Variants in FHOD3 observed in about 807,000 individuals in gnomAD.
FHOD3 encodes FH1/FH2 domain-containing protein 3.
In FHOD3, 90 loss-of-function variants were observed where a neutral mutation model predicts 173.0. The observed-to-expected ratio is 0.52, with a 90% confidence interval of 0.44 to 0.62. The LOEUF is 0.62. Among genes scored for constraint, FHOD3 ranks in the 20% least tolerant of loss-of-function variants. The pLI, the probability that FHOD3 is intolerant of heterozygous loss-of-function variation, is 0.00. For missense variants in FHOD3, 1,945 were observed against 2,034.7 expected, an observed-to-expected ratio of 0.96 and a Z score of 0.85; for synonymous variants, 828 against 823.0, an observed-to-expected ratio of 1.01 and a Z score of -0.10.
chr18:36,382,726 C>T (rs1160780725), intron 3 of FHOD3, among the ~76,000 whole-genome samples: 2 of 152,214 alleles, frequency 1.3e-5, no homozygotes, highest in East Asian at 3.9e-4. Context: ...AAACAGCTGC[C>T]TCTGTTACCT....
intron 3 of FHOD3, among the ~76,000 whole-genome samples, chr18:36,429,932 G>A (rs1194897835): frequency 5.3e-5 from 8 of 152,166 alleles, no homozygotes; most frequent in Non-Finnish European, 1.2e-4. Context: ...AGTTGGGGTG[G>A]AGTGTTCGAC....
chr18:36,655,740 A>AC (rs76137178), intron 13 of FHOD3, among the ~76,000 whole-genome samples: 7,879 of 128,582 alleles, frequency 0.061, 370 homozygotes, highest in East Asian at 0.24. Flanking sequence ...AAGAACCCTC[A>AC]CCCTCCACAC....
chr18:36,470,022 G>C (rs1192758253), intron 3 of FHOD3, among the ~76,000 whole-genome samples: 1 of 152,192 alleles, frequency 6.6e-6, no homozygotes, highest in Non-Finnish European at 1.5e-5. Context: ...TAGAAGTTTA[G>C]GAAATTGGTT....
At chr18:36,634,683 T>G (rs1387014577) in intron 10 of FHOD3, among the ~76,000 whole-genome samples, 1 of 152,012 alleles carries the variant, frequency 6.6e-6, no homozygotes, top group Non-Finnish European at 1.5e-5. Flanking sequence ...GGGGAGGGCA[T>G]AGGCGTGGTT....
At chr18:36,521,041 A>G (rs1402521025) in intron 5 of FHOD3, among the ~76,000 whole-genome samples, 7 of 152,216 alleles carry the variant, frequency 4.6e-5, no homozygotes, top group South Asian at 2.1e-4. Flanking sequence ...CAGCTTTATG[A>G]TAGAAGAAAA....
At chr18:36,773,928 G>A (rs1414300163) in intron 28 of FHOD3, among the ~76,000 whole-genome samples, 1 of 152,194 alleles carries the variant, frequency 6.6e-6, no homozygotes, top group Admixed American at 6.5e-5. Context: ...AGATAACCTA[G>A]GCAGAGGGCT....
rs2038669819 is a variant in FHOD3 at position 36,687,108 on chromosome 18, G to C, written c.1971-20G>C. On this transcript the variant is annotated intron_variant, in intron 15 of 28. Coordinates refer to ENST00000590592, the MANE Select transcript of FHOD3 (RefSeq NM_001281740.3). ...TGTTACTTTCTTTTCCTGTTTGTTT[G>C]TTCTACATATTTCCATTAGCCGAGA... 5 of 1,587,694 alleles carry C rather than the reference G, an allele frequency of 3.1e-6. No homozygotes were observed. Among genetic ancestry groups the C allele is most frequent in the Non-Finnish European group, 4.3e-6 (5 of 1,158,166 alleles).
chr18:36,763,291 C>T (rs1220515977), intron 27 of FHOD3, among the ~76,000 whole-genome samples: 30 of 135,622 alleles, frequency 2.2e-4, no homozygotes, highest in African/African-American at 7.4e-4. Flanking sequence ...ATACAATATG[C>T]GTATTATACA....
At chr18:36,373,759 T>C (rs2047305177) in intron 3 of FHOD3, among the ~76,000 whole-genome samples, 1 of 152,262 alleles carries the variant, frequency 6.6e-6, no homozygotes, top group South Asian at 2.1e-4. Context: ...CAATATTGAC[T>C]ATTCTGCTTC....
intron 3 of FHOD3, among the ~76,000 whole-genome samples, chr18:36,442,996 T>G (rs1244912972): frequency 6.6e-6 from 1 of 152,224 alleles, no homozygotes; most frequent in Non-Finnish European, 1.5e-5. Context: ...GATGTTTCCT[T>G]GTGATTGATT....
chr18:36,692,553 A>G (rs2039027879), intron 16 of FHOD3, among the ~76,000 whole-genome samples: 1 of 152,168 alleles, frequency 6.6e-6, no homozygotes, highest in Non-Finnish European at 1.5e-5. Flanking sequence ...TGCAAAACAG[A>G]TGTATCTTTG....
intron 5 of FHOD3, among the ~76,000 whole-genome samples, chr18:36,538,255 C>G (rs2057072956): frequency 6.6e-6 from 1 of 152,114 alleles, no homozygotes; most frequent in East Asian, 1.9e-4. Context: ...TGAAGAAGCT[C>G]CCACCACAAG....
intron 3 of FHOD3, among the ~76,000 whole-genome samples, chr18:36,427,056 T>C (rs2050284232): frequency 6.6e-6 from 1 of 152,122 alleles, no homozygotes; most frequent in South Asian, 2.1e-4. Context: ...AAGAAAAATA[T>C]AAGAGAAGAT....
intron 1 of FHOD3, among the ~76,000 whole-genome samples, chr18:36,345,584 G>A (rs2045841131): frequency 6.6e-6 from 1 of 152,148 alleles, no homozygotes; most frequent in African/African-American, 2.4e-5. Flanking sequence ...GACTACAGGT[G>A]TGCACCACCA....
chr18:36,464,609 A>C (rs537788175), intron 3 of FHOD3, among the ~76,000 whole-genome samples: 85 of 152,290 alleles, frequency 5.6e-4, no homozygotes, highest in Admixed American at 1.8e-3. Context: ...GGTGACTGCC[A>C]ATGTGATAAC....
At chr18:36,615,141 C>T (rs929744107) in intron 9 of FHOD3, among the ~76,000 whole-genome samples, 12 of 152,058 alleles carry the variant, frequency 7.9e-5, no homozygotes, top group African/African-American at 2.4e-4. Context: ...TGAGCCACCG[C>T]GCCCAGCCTT....
intron 1 of FHOD3, among the ~76,000 whole-genome samples, chr18:36,336,121 G>A (rs1007281962): frequency 6.6e-5 from 10 of 152,160 alleles, no homozygotes; most frequent in African/African-American, 1.9e-4. Context: ...TGTGGTGGCC[G>A]TAAGAAACTG....
chr18:36,551,524 T>C (rs552868802), intron 5 of FHOD3, among the ~76,000 whole-genome samples: 39 of 152,306 alleles, frequency 2.6e-4, no homozygotes, highest in African/African-American at 8.9e-4. Context: ...TTGTCAGTTT[T>C]GGCTTTTGTT....
intron 3 of FHOD3, among the ~76,000 whole-genome samples, chr18:36,472,744 C>T (rs2053355093): frequency 6.6e-6 from 1 of 152,190 alleles, no homozygotes. Context: ...TGTATCAATA[C>T]TTCTTTTTTT....
Sources: allele counts gnomAD v4.1 joint callset (sites outside exome capture counted in the v4.1 genomes callset), GRCh38; gene constraint gnomAD v4.1.1; transcripts MANE v1.5; gene names NCBI Gene and HGNC (gene_info 2026-07-23, HGNC 2026-07-21).